Variants in KIAA1958 observed in about 807,000 individuals in gnomAD.
KIAA1958 encodes KIAA1958.
In KIAA1958, 14 loss-of-function variants were observed where a neutral mutation model predicts 47.2. That is an observed-to-expected ratio of 0.30 (90% CI 0.20 to 0.46). KIAA1958 has a LOEUF of 0.46. Ranked by LOEUF, KIAA1958 falls within the 20% of genes least tolerant of loss-of-function variation. The pLI, the probability that KIAA1958 is intolerant of heterozygous loss-of-function variation, is 1.00. For synonymous variants in KIAA1958, 354 were observed against 353.3 expected, an observed-to-expected ratio of 1.00 and a Z score of -0.02; for missense variants, 803 against 909.2, an observed-to-expected ratio of 0.88 and a Z score of 1.50.
chr9:112,536,429 G>A (rs185946441), intron 1 of KIAA1958, among the ~76,000 whole-genome samples: 39 of 152,242 alleles, frequency 2.6e-4, no homozygotes, highest in African/African-American at 8.7e-4. Context: ...TGCAGGCTAC[G>A]TGGCTTGCAG....
chr9:112,567,569 A>G (rs1835447160), intron 1 of KIAA1958, among the ~76,000 whole-genome samples: 1 of 152,224 alleles, frequency 6.6e-6, no homozygotes, highest in Non-Finnish European at 1.5e-5. Flanking sequence ...TTAGGAGCTG[A>G]TCATAATCCA....
chr9:112,559,532 C>T (rs1835292781), intron 1 of KIAA1958, among the ~76,000 whole-genome samples: 1 of 152,166 alleles, frequency 6.6e-6, no homozygotes, highest in African/African-American at 2.4e-5. Flanking sequence ...TATTGGTGAC[C>T]TTGGCCAGGG....
At chr9:112,533,766 T>C (rs1834807901) in intron 1 of KIAA1958, among the ~76,000 whole-genome samples, 1 of 152,000 alleles carries the variant, frequency 6.6e-6, no homozygotes, top group Non-Finnish European at 1.5e-5. Flanking sequence ...CTTGTGAGAC[T>C]CATTCACTAT....
intron 3 of KIAA1958, among the ~76,000 whole-genome samples, chr9:112,656,644 C>T (rs918179245): frequency 6.6e-6 from 1 of 152,018 alleles, no homozygotes; most frequent in Non-Finnish European, 1.5e-5. Context: ...AATGAAGAGC[C>T]TTTCTGTCTT....
In KIAA1958 at chr9:112,663,424, AT is replaced by A. The variant is rs1837311016; in HGVS notation, c.*3357del. 6.6e-6 allele frequency: 1 copy of A among 152,228 alleles called. No homozygotes were observed. The highest frequency in any genetic ancestry group is 1.5e-5 in the Non-Finnish European group (1 of 68,048). 9.4% of individuals were successfully genotyped at this position (152,228 alleles called of 1,614,324 possible). ...GTTATAACTTTTGGTAATAATTAAT[AT>A]TATTTAACTAATTTGCATTATACCA... On this transcript the variant is annotated 3_prime_UTR_variant, in exon 4 of 4. Coordinates refer to ENST00000337530, the MANE Select transcript of KIAA1958 (RefSeq NM_133465.4).
chr9:112,542,186 T>C (rs539353635), intron 1 of KIAA1958, among the ~76,000 whole-genome samples: 2 of 152,266 alleles, frequency 1.3e-5, no homozygotes, highest in South Asian at 2.1e-4. Context: ...TATGAAAATA[T>C]GCTGATGAAA....
chr9:112,620,689 A>G (rs1277221866), intron 2 of KIAA1958, among the ~76,000 whole-genome samples: 1 of 152,144 alleles, frequency 6.6e-6, no homozygotes, highest in African/African-American at 2.4e-5. Flanking sequence ...ATGTTTTTGT[A>G]TTGATAGTGA....
Position 112,618,624 on chromosome 9 carries a change from T to G in KIAA1958, c.1172-27026T>G. ...GAGGATGCCCCTTTCTACTTATCCA[T>G]CAAGCCAGTCGTGAACCTGGCGGCT... is the stretch of plus-strand genomic sequence containing the variant. On this transcript the variant is annotated intron_variant, in intron 2 of 3. Coordinates refer to ENST00000337530, the MANE Select transcript of KIAA1958 (RefSeq NM_133465.4). The surrounding 1 kb of genome is among the most constrained non-coding windows in gnomAD (Gnocchi z 7.1). 6.4e-7 allele frequency: 1 copy of G among 1,550,648 alleles called. No homozygotes were observed. The highest frequency in any genetic ancestry group is 8.7e-7 in the Non-Finnish European group (1 of 1,146,992).
chr9:112,594,552 A>G (rs542875786), intron 2 of KIAA1958, among the ~76,000 whole-genome samples: 1 of 152,348 alleles, frequency 6.6e-6, no homozygotes, highest in South Asian at 2.1e-4. Context: ...AGTATCTATC[A>G]GTACTTCATT....
At position 112,660,072 on chromosome 9, in the gene KIAA1958, C is replaced by T; in HGVS notation, c.*3C>T. On this transcript the variant is annotated 3_prime_UTR_variant, in exon 4 of 4. Transcript: ENST00000337530. ...GCTCCCACAGCTGCTGCCAGTGAGC[C>T]CCCACTGGGGCCCGGCCACTGCCCT... is the stretch of plus-strand genomic sequence containing the variant. The T allele has an allele frequency of 4.3e-6, 7 of 1,610,984 alleles. No individual in the cohort carries two copies. Among genetic ancestry groups the T allele is most frequent in the Non-Finnish European group, 5.9e-6 (7 of 1,179,054 alleles).
chr9:112,645,766 G>A lies in KIAA1958; in HGVS notation c.1288G>A (p.Val430Met). 1.2e-6 allele frequency: 2 copies of A among 1,614,154 alleles called. No individual in the cohort carries two copies. The highest frequency in any genetic ancestry group is 1.1e-5 in the South Asian group (1 of 91,078). ...CAAAGCCACGCGGTACGCCTTGAAT[G>A]TGTGGCGTTATTGGTGCATGACCAA... ...TTKATRYALN[V>M]WRYWCMTNGL... The change falls in exon 3 of 4, where the codon GTG becomes ATG. Residue 430 changes from valine (V) to methionine (M), a missense_variant. Physicochemically the swap from Val to Met is conservative, Grantham distance 21. Coordinates refer to ENST00000337530, the MANE Select transcript of KIAA1958 (RefSeq NM_133465.4).
Position 112,538,990 on chromosome 9 carries a change from A to G in KIAA1958, c.-24-35067A>G, listed in dbSNP as rs1038238187. ...TAGGGAAATGCAAATCAAAACCACA[A>G]TGAAGTACCACTTCACACCCACTGG... On this transcript the variant is annotated intron_variant, in intron 1 of 3. Transcript: ENST00000337530. Among the ~76,000 whole-genome samples, 6 of 152,336 alleles carry G rather than the reference A, an allele frequency of 3.9e-5. No individual in the cohort carries two copies. In the South Asian group the frequency reaches 8.3e-4, roughly 21 times the overall value.
In KIAA1958 at chr9:112,659,227, G is replaced by C. The variant is rs780354595; in HGVS notation, c.1345-36G>C. ...GAAGGAGGGGTCTGGCTGTGTGAGT[G>C]TCAAGTGTGTAACCTCCGTGTTTGT... On this transcript the variant is annotated intron_variant, in intron 3 of 3. Coordinates refer to ENST00000337530, the MANE Select transcript of KIAA1958 (RefSeq NM_133465.4). 8 of 1,561,516 alleles carry C rather than the reference G, an allele frequency of 5.1e-6. No individual in the cohort carries two copies. In the African/African-American group the frequency reaches 6.8e-5, roughly 13 times the overall value.
Position 112,586,224 on chromosome 9 carries a change from G to A in KIAA1958, c.1171+10973G>A, listed in dbSNP as rs149054164. ...GTTAAATGAACAATTAAGCCACTGT[G>A]ATAAATGAGAGGCAAATCTTTCTTA... On this transcript the variant is annotated intron_variant, in intron 2 of 3. Coordinates refer to ENST00000337530, the MANE Select transcript of KIAA1958 (RefSeq NM_133465.4). 2.6e-3 allele frequency among the ~76,000 whole-genome samples: 401 copies of A among 152,292 alleles called. 2 individuals are homozygous for A. Among genetic ancestry groups the A allele is most frequent in the African/African-American group, 9.2e-3 (381 of 41,564 alleles).
At chr9:112,643,151 A>T (rs910619906) in intron 2 of KIAA1958, among the ~76,000 whole-genome samples, 14 of 152,312 alleles carry the variant, frequency 9.2e-5, no homozygotes, top group Admixed American at 7.8e-4. Context: ...CTAGTATCTA[A>T]ATTGCATTCT....
At chr9:112,507,371 G>T (rs780743996) in intron 1 of KIAA1958, among the ~76,000 whole-genome samples, 1 of 152,178 alleles carries the variant, frequency 6.6e-6, no homozygotes, top group Non-Finnish European at 1.5e-5. Flanking sequence ...CTTTTTAAGA[G>T]ACAAGTTTTC....
rs185425114 is a variant in KIAA1958, at chr9:112,646,049, A to G, written c.1344+227A>G. 6.5e-4 allele frequency among the ~76,000 whole-genome samples: 99 copies of G among 152,056 alleles called. 1 individual carries two copies. The highest frequency in any genetic ancestry group is 7.7e-4 in the East Asian group (4 of 5,180). ...AAGTTCAGAGGGCTAAATTAATTTC[A>G]ATTTGGTAAAACTGGAGAGAGAATT... is the stretch of plus-strand genomic sequence containing the variant. On this transcript the variant is annotated intron_variant, in intron 3 of 3. Coordinates refer to ENST00000337530, the MANE Select transcript of KIAA1958 (RefSeq NM_133465.4).
chr9:112,488,568 A>T (rs1011987989), intron 1 of KIAA1958, among the ~76,000 whole-genome samples: 1 of 152,192 alleles, frequency 6.6e-6, no homozygotes, highest in African/African-American at 2.4e-5. Context: ...TAAGTCTGAC[A>T]GTTACCCAGG....
intron 1 of KIAA1958, among the ~76,000 whole-genome samples, chr9:112,554,375 G>T (rs1835206333): frequency 6.6e-6 from 1 of 152,044 alleles, no homozygotes; most frequent in South Asian, 2.1e-4. Flanking sequence ...GTGTGCGCCT[G>T]TAATCCCAGC....
Sources: allele counts gnomAD v4.1 joint callset (sites outside exome capture counted in the v4.1 genomes callset), GRCh38; gene constraint gnomAD v4.1.1; non-coding constraint Gnocchi (gnomAD v3.1); transcripts MANE v1.5; gene names NCBI Gene and HGNC (gene_info 2026-07-23, HGNC 2026-07-21).